Variants in MALT1 observed in about 807,000 individuals in gnomAD.
MALT1 encodes the protein mucosa-associated lymphoid tissue lymphoma translocation protein 1.
A neutral mutation model predicts 85.5 loss-of-function variants in MALT1; 36 were observed. The ratio of observed to expected loss-of-function variants is 0.42; its 90% CI spans 0.32 to 0.56. MALT1 has a LOEUF of 0.56. Ranked by LOEUF, MALT1 falls within the 20% of genes least tolerant of loss-of-function variation. The probability of loss-of-function intolerance (pLI) is 0.10; values close to 1 mark genes in which losing one functional copy is unlikely to be tolerated. For missense variants in MALT1, 716 were observed against 981.6 expected, an observed-to-expected ratio of 0.73 and a Z score of 3.62; for synonymous variants, 359 against 361.3, an observed-to-expected ratio of 0.99 and a Z score of 0.07.
At chr18:58,723,938 C>T (rs919086824) in intron 10 of MALT1, among the ~76,000 whole-genome samples, 19 of 152,112 alleles carry the variant, frequency 1.2e-4, no homozygotes, top group Non-Finnish European at 5.9e-5. Context: ...TGATTTATTT[C>T]TTTCAATATG....
chr18:58,705,943 A>G (rs530488848), intron 4 of MALT1, among the ~76,000 whole-genome samples: 3 of 152,212 alleles, frequency 2.0e-5, no homozygotes, highest in East Asian at 3.9e-4. Flanking sequence ...TCCCACCAAC[A>G]GTGTAAAAGT....
intron 2 of MALT1, chr18:58,690,560 C>A: frequency 6.2e-6 from 1 of 160,566 alleles, no homozygotes. Flanking sequence ...CACGCCCGGG[C>A]TGCCACCGCT....
intron 16 of MALT1, among the ~76,000 whole-genome samples, chr18:58,746,006 A>T (rs1160696369): frequency 7.5e-5 from 1 of 13,410 alleles, no homozygotes; most frequent in Non-Finnish European, 1.6e-4. Flanking sequence ...AATTAGTAAC[A>T]TTAGAGTATA....
chr18:58,694,891 C>T (rs538924032), intron 2 of MALT1, among the ~76,000 whole-genome samples: 58 of 152,152 alleles, frequency 3.8e-4, no homozygotes, highest in South Asian at 6.2e-4. Flanking sequence ...CTGGCTGTGG[C>T]GGGAGATCTG....
intron 10 of MALT1, among the ~76,000 whole-genome samples, chr18:58,723,592 G>A (rs1325260420): frequency 6.6e-6 from 1 of 151,990 alleles, no homozygotes; most frequent in Non-Finnish European, 1.5e-5. Context: ...AAATATTACA[G>A]TATGTGGGGT....
intron 4 of MALT1, among the ~76,000 whole-genome samples, chr18:58,702,651 A>T (rs1308807610): frequency 6.6e-6 from 1 of 152,198 alleles, no homozygotes. Flanking sequence ...TCACTTTTCA[A>T]TTCTTTTCCA....
chr18:58,704,966 T>C (rs1171816815), intron 4 of MALT1, among the ~76,000 whole-genome samples: 1 of 150,474 alleles, frequency 6.6e-6, no homozygotes, highest in Non-Finnish European at 1.5e-5. Flanking sequence ...TTTCAGTTAG[T>C]CTCATCTGTT....
chr18:58,696,527 G>A, intron 3 of MALT1, 40 bp downstream of exon 3: 1 of 1,411,452 alleles, frequency 7.1e-7, no homozygotes, highest in Non-Finnish European at 9.6e-7. Context: ...TCCAAGGAGA[G>A]AGAATGATAG....
intron 10 of MALT1, among the ~76,000 whole-genome samples, chr18:58,732,757 AGC>A (rs2055168569): frequency 1.3e-5 from 2 of 151,814 alleles, no homozygotes; most frequent in South Asian, 2.1e-4. Flanking sequence ...GAGAAATCCT[AGC>A]TGCATTCTTT....
intron 10 of MALT1, among the ~76,000 whole-genome samples, chr18:58,732,706 A>G (rs2055167471): frequency 6.6e-6 from 1 of 150,376 alleles, no homozygotes; most frequent in African/African-American, 2.5e-5. Context: ...CTCTGCCCTA[A>G]CAGAACTCCT....
At chr18:58,672,705 A>C (rs1001034273) in intron 1 of MALT1, 2 of 152,254 alleles carry the variant, frequency 1.3e-5, no homozygotes, top group Admixed American at 1.3e-4. Flanking sequence ...TTTCCAAAAC[A>C]AAAAAGTCTA....
chr18:58,700,905 G>T (rs370214651), intron 4 of MALT1, among the ~76,000 whole-genome samples: 17 of 152,014 alleles, frequency 1.1e-4, no homozygotes, highest in Middle Eastern at 3.4e-3. Context: ...GATTCCTCTT[G>T]CCTTATCCTC....
At chr18:58,746,147 ATC>A (rs2055364355) in intron 16 of MALT1, among the ~76,000 whole-genome samples, 2 of 152,252 alleles carry the variant, frequency 1.3e-5, no homozygotes, top group South Asian at 4.2e-4. Context: ...CTTCCCAAGT[ATC>A]TGAGTCTACA....
At chr18:58,716,232 C>T (rs571427377) in intron 9 of MALT1, among the ~76,000 whole-genome samples, 89 of 152,236 alleles carry the variant, frequency 5.8e-4, no homozygotes, top group African/African-American at 2.0e-3. Flanking sequence ...CAAAAAGAAA[C>T]ATGTACATGC....
At chr18:58,686,175 C>T (rs1195957637) in intron 2 of MALT1, among the ~76,000 whole-genome samples, 4 of 152,082 alleles carry the variant, frequency 2.6e-5, no homozygotes, top group South Asian at 2.1e-4. Flanking sequence ...TACAGGCACG[C>T]GCCACCACAC....
chr18:58,708,110 C>A (rs575872624), intron 4 of MALT1, among the ~76,000 whole-genome samples: 25 of 152,346 alleles, frequency 1.6e-4, no homozygotes, highest in African/African-American at 6.0e-4. Flanking sequence ...GCACTGCATT[C>A]ACTGAGGGCC....
intron 9 of MALT1, among the ~76,000 whole-genome samples, chr18:58,716,714 G>A (rs1003530029): frequency 1.3e-5 from 2 of 152,204 alleles, no homozygotes; most frequent in East Asian, 1.9e-4. Context: ...TAATTTGTTG[G>A]AAAGAAAGAG....
intron 14 of MALT1, among the ~76,000 whole-genome samples, chr18:58,742,745 G>A (rs985109378): frequency 1.3e-5 from 2 of 152,118 alleles, no homozygotes; most frequent in Non-Finnish European, 2.9e-5. Flanking sequence ...TGCCTCATAG[G>A]TTATTGGGAT....
intron 4 of MALT1, among the ~76,000 whole-genome samples, chr18:58,702,511 A>G (rs1306460473): frequency 6.6e-6 from 1 of 152,224 alleles, no homozygotes; most frequent in Non-Finnish European, 1.5e-5. Context: ...AGCACATAGC[A>G]TTTGAGACCT....
Sources: allele counts gnomAD v4.1 joint callset (sites outside exome capture counted in the v4.1 genomes callset), GRCh38; gene constraint gnomAD v4.1.1; transcripts MANE v1.5; gene names NCBI Gene and HGNC (gene_info 2026-07-23, HGNC 2026-07-21).